Variants in FGF13 observed in about 807,000 individuals in gnomAD.
FGF13 encodes fibroblast growth factor 13, also known as fibroblast growth factor homologous factor 2.
FGF13 carries 2 observed loss-of-function variants against 19.5 expected under a neutral mutation model. The ratio of observed to expected loss-of-function variants is 0.10; its 90% CI spans 0.04 to 0.32. The LOEUF is 0.32. FGF13 is among the 10% of genes least tolerant of loss of function. FGF13 has a pLI of 1.00. For missense variants in FGF13, 113 were observed against 192.7 expected (o/e 0.59, Z 2.45); for synonymous variants, 72 against 76.9 (o/e 0.94, Z 0.33).
In FGF13 at chrX:138,630,675, C is replaced by CTGTT; in HGVS notation, c.*2171_*2174dup. 2 of 111,373 alleles carry CTGTT rather than the reference C, an allele frequency of 1.8e-5. No homozygotes were observed. Among genetic ancestry groups the CTGTT allele is most frequent in the East Asian group, 5.7e-4 (2 of 3,511 alleles). The allele number at this position is 111,373 out of a possible 1,213,427, so 9.2% of individuals were successfully genotyped here. ...AGTCTCCCCTCCTTGCAAAAGCAGG[C>CTGTT]TGTTTGGGGCCCCAGTAATTTTATT... On this transcript the variant is annotated 3_prime_UTR_variant, in exon 5 of 5. Coordinates refer to ENST00000315930, the MANE Select transcript of FGF13 (RefSeq NM_004114.5).
intron 3 of FGF13, among the ~76,000 whole-genome samples, chrX:138,691,436 C>T (rs906067165): frequency 2.7e-5 from 3 of 111,809 alleles, no homozygotes; most frequent in East Asian, 5.6e-4. Context: ...ATTTACTATA[C>T]ACAATGAAGT....
intron 1 of FGF13, among the ~76,000 whole-genome samples, chrX:139,002,755 C>G (rs752286529): frequency 5.4e-5 from 6 of 111,389 alleles, no homozygotes; most frequent in Non-Finnish European, 1.1e-4. Context: ...TCCTGAATGA[C>G]ATTTCTAGAC....
chrX:138,957,769 CT>C (rs886117956), intron 1 of FGF13, among the ~76,000 whole-genome samples: 6 of 111,603 alleles, frequency 5.4e-5, no homozygotes, highest in African/African-American at 1.6e-4. Flanking sequence ...ATTTTATTCT[CT>C]TTGAAGCAAT....
At chrX:138,887,391 T>A (rs1197422657) in intron 1 of FGF13, among the ~76,000 whole-genome samples, 1 of 111,792 alleles carries the variant, frequency 8.9e-6, no homozygotes, top group Non-Finnish European at 1.9e-5. Context: ...GAAATCCTTA[T>A]CAGCTATTAG....
intron 1 of FGF13, among the ~76,000 whole-genome samples, chrX:138,907,009 C>T (rs962745614): frequency 8.9e-6 from 1 of 111,923 alleles, no homozygotes; most frequent in Non-Finnish European, 1.9e-5. Flanking sequence ...AGCTGCTTCA[C>T]TAACGTGCTG....
intron 1 of FGF13, among the ~76,000 whole-genome samples, chrX:139,132,849 T>C (rs2083770791): frequency 8.9e-6 from 1 of 112,041 alleles, no homozygotes; most frequent in South Asian, 3.7e-4. Context: ...CTCAGGAACA[T>C]AGTAAGATCT....
intron 1 of FGF13, among the ~76,000 whole-genome samples, chrX:138,720,272 A>T (rs2090138753): frequency 8.9e-6 from 1 of 112,516 alleles, no homozygotes; most frequent in Admixed American, 9.4e-5. Flanking sequence ...GCTGTATGTC[A>T]TCTCACTTAA....
chrX:139,067,612 C>A (rs926012332), intron 1 of FGF13, among the ~76,000 whole-genome samples: 3 of 111,748 alleles, frequency 2.7e-5, no homozygotes, highest in Non-Finnish European at 5.6e-5. Context: ...AACTACAAAC[C>A]ACTGCTCAAC....
intron 3 of FGF13, among the ~76,000 whole-genome samples, chrX:138,765,267 G>A (rs761283804): frequency 4.5e-5 from 5 of 111,974 alleles, no homozygotes; most frequent in African/African-American, 1.6e-4. Flanking sequence ...TACATGTACT[G>A]TCTCTCCCTC....
chrX:139,030,350 C>T (rs1198940214), intron 1 of FGF13, among the ~76,000 whole-genome samples: 1 of 111,229 alleles, frequency 9.0e-6, no homozygotes, highest in East Asian at 2.8e-4. Flanking sequence ...TCCAGGACCT[C>T]TAACAATCCT....
chrX:138,623,082 G>GAAAC lies in FGF13; in HGVS notation c.*9764_*9767dup, dbSNP rs2089027894. On this transcript the variant is annotated 3_prime_UTR_variant, in exon 5 of 5. Transcript: ENST00000315930. Reference sequence around the variant, plus strand: ...TTGGATAGTTCATTGTTCGTGTGAAGAAACAACTGATTTTTATGTTGATTT... The same window carrying GAAAC: ...TTGGATAGTTCATTGTTCGTGTGAAGAAACAAACAACTGATTTTTATGTTGATTT... The GAAAC allele has an allele frequency of 9.0e-6, 1 of 111,696 alleles. No homozygotes were observed. The highest frequency in any genetic ancestry group is 3.7e-4 in the South Asian group (1 of 2,711). 9.2% of individuals were successfully genotyped at this position (111,696 alleles called of 1,213,427 possible). A position where few individuals can be genotyped will look rare whatever the true frequency, so the allele number is the denominator to read the frequency against.
At chrX:139,081,330 T>A (rs1474492062) in intron 1 of FGF13, among the ~76,000 whole-genome samples, 1 of 111,963 alleles carries the variant, frequency 8.9e-6, no homozygotes, top group Non-Finnish European at 1.9e-5. Context: ...CTTAATTTTA[T>A]ATCTATACCC....
intron 1 of FGF13, among the ~76,000 whole-genome samples, chrX:138,907,816 A>T (rs1013688452): frequency 9.0e-6 from 1 of 111,096 alleles, no homozygotes; most frequent in African/African-American, 3.3e-5. Context: ...AGAATTTAAA[A>T]CCTAACTCTT....
intron 3 of FGF13, among the ~76,000 whole-genome samples, chrX:138,805,514 G>C (rs1360908065): frequency 9.0e-6 from 1 of 111,148 alleles, no homozygotes; most frequent in African/African-American, 3.3e-5. Flanking sequence ...GCAATCTGAA[G>C]TCAAGGGTGA....
intron 1 of FGF13, among the ~76,000 whole-genome samples, chrX:138,905,139 G>A (rs1252920359): frequency 9.0e-6 from 1 of 110,854 alleles, no homozygotes; most frequent in Non-Finnish European, 1.9e-5. Context: ...CTAAAATCTG[G>A]GATTCTTGGG....
intron 1 of FGF13, among the ~76,000 whole-genome samples, chrX:138,869,104 A>G (rs537632797): frequency 3.6e-4 from 40 of 111,653 alleles, no homozygotes; most frequent in Middle Eastern, 4.6e-3. Flanking sequence ...GTCAGGAAAT[A>G]CTTTTATTTT....
At chrX:138,980,971 A>C (rs1458764089) in intron 1 of FGF13, among the ~76,000 whole-genome samples, 1 of 111,615 alleles carries the variant, frequency 9.0e-6, no homozygotes, top group Non-Finnish European at 1.9e-5. Flanking sequence ...AAGCACTAGG[A>C]GTAGAAAAAT....
At chrX:138,898,814 T>C (rs1301039537) in intron 1 of FGF13, among the ~76,000 whole-genome samples, 2 of 111,848 alleles carry the variant, frequency 1.8e-5, no homozygotes, top group Non-Finnish European at 3.8e-5. Context: ...CCTGTGCAAT[T>C]GGCAGTTTGA....
At chrX:138,921,026 T>A (rs1000193490) in intron 1 of FGF13, among the ~76,000 whole-genome samples, 3 of 111,852 alleles carry the variant, frequency 2.7e-5, no homozygotes, top group Non-Finnish European at 3.8e-5. Context: ...GCCTTTACTT[T>A]CTTATCTATA....
Sources: allele counts gnomAD v4.1 joint callset (sites outside exome capture counted in the v4.1 genomes callset), GRCh38; gene constraint gnomAD v4.1.1; transcripts MANE v1.5; gene names NCBI Gene and HGNC (gene_info 2026-07-23, HGNC 2026-07-21).